Variants in LAMA2 observed in about 807,000 individuals in gnomAD.
LAMA2 encodes the protein laminin subunit alpha-2.
A neutral mutation model predicts 364.8 loss-of-function variants in LAMA2; 269 were observed. The ratio of observed to expected loss-of-function variants is 0.74; its 90% CI spans 0.67 to 0.82. The LOEUF (loss-of-function observed/expected upper bound fraction) is 0.82. Ranked by LOEUF, LAMA2 falls within the 40% of genes least tolerant of loss-of-function variation. The pLI is 0.00. For missense variants in LAMA2, 3,807 were observed against 3,873.2 expected, an observed-to-expected ratio of 0.98 and a Z score of 0.45; for synonymous variants, 1,379 against 1,370.6, an observed-to-expected ratio of 1.01 and a Z score of -0.14.
At chr6:128,920,961 A>G (rs1282998160) in intron 1 of LAMA2, among the ~76,000 whole-genome samples, 3 of 152,142 alleles carry the variant, frequency 2.0e-5, no homozygotes, top group Non-Finnish European at 2.9e-5. Context: ...TGAACTGACA[A>G]TTTGGATGGA....
At chr6:129,331,610 G>A (rs1227885490) in intron 29 of LAMA2, among the ~76,000 whole-genome samples, 12 of 151,858 alleles carry the variant, frequency 7.9e-5, no homozygotes, top group Non-Finnish European at 1.8e-4. Context: ...TCTCCCGCTT[G>A]ATGACATCAC....
chr6:129,467,435 C>G (rs1282634710), intron 51 of LAMA2, among the ~76,000 whole-genome samples: 1 of 151,760 alleles, frequency 6.6e-6, no homozygotes, highest in Non-Finnish European at 1.5e-5. Context: ...GATGGGTCCA[C>G]TAGAAGCCCA....
chr6:129,199,860 C>T (rs1418939872), intron 12 of LAMA2, among the ~76,000 whole-genome samples: 2 of 151,964 alleles, frequency 1.3e-5, no homozygotes, highest in African/African-American at 4.8e-5. Flanking sequence ...AGGTGGATCA[C>T]CTGAGGTCAG....
chr6:129,385,933 C>A (rs1314638954), intron 35 of LAMA2, among the ~76,000 whole-genome samples: 1 of 152,106 alleles, frequency 6.6e-6, no homozygotes, highest in Admixed American at 6.5e-5. Context: ...TTTATAGATA[C>A]TGTATGCCTC....
At chr6:128,993,891 G>A (rs1382047055) in intron 1 of LAMA2, among the ~76,000 whole-genome samples, 3 of 152,148 alleles carry the variant, frequency 2.0e-5, no homozygotes, top group African/African-American at 7.2e-5. Flanking sequence ...TTGAATTAAA[G>A]ACTAATCAAC....
In LAMA2 at chr6:129,269,026, A is replaced by ACC. The variant is rs1199861427; in HGVS notation, c.2323-1596_2323-1595dup. On this transcript the variant is annotated intron_variant, in intron 16 of 64. Transcript: ENST00000421865. ...TTCTTGTTTATTTTTCATGGTTTTA[A>ACC]CCCAGCATTAAGTAGCATGGTTTTT... Among the ~76,000 whole-genome samples, 6 of 152,116 alleles carry ACC rather than the reference A, an allele frequency of 3.9e-5. No homozygotes were observed. The South Asian group carries it at 6.2e-4, about 16-fold the overall frequency.
rs530278851 is a variant in LAMA2 at position 129,114,768 on chromosome 6, C to A, written c.639+16353C>A. On this transcript the variant is annotated intron_variant, in intron 4 of 64. Coordinates refer to ENST00000421865, the MANE Select transcript of LAMA2 (RefSeq NM_000426.4). Reference sequence around the variant, plus strand: ...CTACTCCTTTGTACATTTCCCCACTCCTCCGTTTACATCACATAAACATAT... The same window carrying A: ...CTACTCCTTTGTACATTTCCCCACTACTCCGTTTACATCACATAAACATAT... Among the ~76,000 whole-genome samples the A allele has an allele frequency of 1.7e-4, 26 of 152,082 alleles. No individual in the cohort carries two copies. The South Asian group carries it at 3.1e-3, about 18-fold the overall frequency.
intron 1 of LAMA2, among the ~76,000 whole-genome samples, chr6:128,911,220 A>G (rs9482952): frequency 0.22 from 33,352 of 151,348 alleles, 5,492 homozygotes; most frequent in African/African-American, 0.47. Context: ...GCAATGGCAG[A>G]CGCCCCTCCC....
chr6:129,288,319 A>C (rs1789427759), intron 19 of LAMA2, among the ~76,000 whole-genome samples: 1 of 152,160 alleles, frequency 6.6e-6, no homozygotes, highest in African/African-American at 2.4e-5. Context: ...TGCGGAAGGA[A>C]GATTTTTTTA....
At chr6:129,221,837 C>T in intron 12 of LAMA2, among the ~76,000 whole-genome samples, 1 of 152,078 alleles carries the variant, frequency 6.6e-6, no homozygotes, top group East Asian at 1.9e-4. Flanking sequence ...CAGCAGATGC[C>T]TATCCAGAGG....
intron 54 of LAMA2, among the ~76,000 whole-genome samples, 197 bp from the exon 55 acceptor site, chr6:129,481,066 C>T (rs1391414532): frequency 6.6e-6 from 1 of 152,174 alleles, no homozygotes; most frequent in African/African-American, 2.4e-5. Context: ...AAAAACTGCT[C>T]AGAAGATTTG....
chr6:129,502,838 A>G (rs1785755982), intron 59 of LAMA2, 67 bp downstream of exon 59: 3 of 1,053,988 alleles, frequency 2.8e-6, no homozygotes, highest in Non-Finnish European at 4.4e-6. Flanking sequence ...GTGTTTAATC[A>G]AGTTGAATCT....
intron 7 of LAMA2, among the ~76,000 whole-genome samples, chr6:129,150,938 G>C (rs759705276): frequency 7.9e-5 from 12 of 152,040 alleles, no homozygotes; most frequent in Non-Finnish European, 1.3e-4. Context: ...GTTTAATTTG[G>C]ATTTTCATCA....
chr6:129,108,232 A>G (rs1026414583), intron 4 of LAMA2, among the ~76,000 whole-genome samples: 1 of 151,986 alleles, frequency 6.6e-6, no homozygotes, highest in South Asian at 2.1e-4. Flanking sequence ...ATTCTGGCAA[A>G]TGATGTATAT....
At position 129,098,218 on chromosome 6, in the gene LAMA2, C is replaced by CG. The variant is rs759516529; in HGVS notation, c.444dup (p.Pro149AlafsTer11). ...GATTGTGAAGGCAGCTAACTCCCCC[C>CG]GGCCTGGAAACTGGATTTTGGAACG... On this transcript the variant is annotated frameshift_variant, in exon 4 of 65. Transcript: ENST00000421865. LOFTEE classifies it high-confidence loss of function. The CG allele has an allele frequency of 6.2e-7, 1 of 1,614,022 alleles. No homozygotes were observed. The highest frequency in any genetic ancestry group is 1.7e-5 in the Admixed American group (1 of 60,018).
Position 129,192,723 on chromosome 6 carries a change from G to C in LAMA2, c.1652G>C (p.Arg551Pro). The change falls in exon 12 of 65, where the codon CGC (arginine) becomes CCC (proline). Residue 551 changes from arginine (R) to proline (P), a missense_variant. Arg to Pro is a moderately radical substitution (Grantham distance 103). Around this residue, in one of 3 missense-constraint regions of LAMA2, gnomAD observed 3,333 missense variants for 3,345.7 expected, o/e 1.00. Coordinates refer to ENST00000421865, the MANE Select transcript of LAMA2 (RefSeq NM_000426.4). ...TGGTATCTGACTGACCTTCCTGGCC[G>C]CATTCGAGTGGCTCCCCAGCAGGAC... ...SGWYLTDLPG[R>P]IRVAPQQDDL... is the part of the protein sequence containing the mutation. The C allele has an allele frequency of 6.2e-7, 1 of 1,614,052 alleles. No individual in the cohort carries two copies. Among genetic ancestry groups the C allele is most frequent in the African/African-American group, 1.3e-5 (1 of 75,018 alleles).
chr6:129,365,378 T>G (rs1052401955), intron 32 of LAMA2, among the ~76,000 whole-genome samples: 7 of 152,188 alleles, frequency 4.6e-5, no homozygotes, highest in Non-Finnish European at 8.8e-5. Flanking sequence ...TTTTATTTTT[T>G]GGGGGGTGGA....
At chr6:129,414,006 A>G (rs938181792) in intron 40 of LAMA2, among the ~76,000 whole-genome samples, 5 of 143,120 alleles carry the variant, frequency 3.5e-5, no homozygotes, top group Non-Finnish European at 6.1e-5. Context: ...AAGAGAGACA[A>G]CACAAATGAA....
At chr6:129,173,204 C>T (rs1315852595) in intron 9 of LAMA2, among the ~76,000 whole-genome samples, 1 of 152,200 alleles carries the variant, frequency 6.6e-6, no homozygotes, top group African/African-American at 2.4e-5. Context: ...CTCCCCGATT[C>T]AGTTTTTTAG....
Sources: allele counts gnomAD v4.1 joint callset (sites outside exome capture counted in the v4.1 genomes callset), GRCh38; gene constraint gnomAD v4.1.1; regional missense constraint gnomAD v4.1.1; transcripts MANE v1.5; gene names NCBI Gene and HGNC (gene_info 2026-07-23, HGNC 2026-07-21).